The following FGD4 variants were observed in gnomAD, a reference collection of about 807,000 sequenced individuals.
FGD4 encodes the protein FYVE, RhoGEF and PH domain-containing protein 4.
FGD4 carries 42 observed loss-of-function variants against 102.0 expected under a neutral mutation model. The observed-to-expected ratio is 0.41, with a 90% CI of 0.32 to 0.53. FGD4 has a LOEUF of 0.53. Among genes scored for constraint, FGD4 ranks in the 20% least tolerant of loss-of-function variants. The probability of loss-of-function intolerance (pLI) is 0.21; values close to 1 mark genes in which losing one functional copy is unlikely to be tolerated. For synonymous variants in FGD4, 380 were observed against 375.7 expected (o/e 1.01, Z -0.13); for missense variants, 902 against 1,078.2 (o/e 0.84, Z 2.29).
intron 1 of FGD4, among the ~76,000 whole-genome samples, chr12:32,490,055 A>T (rs1019324824): frequency 6.6e-6 from 1 of 152,246 alleles, no homozygotes; most frequent in East Asian, 1.9e-4. Flanking sequence ...ATATTTTCCT[A>T]TAGTATTTCC....
At chr12:32,584,287 C>T (rs1325313851) in intron 4 of FGD4, among the ~76,000 whole-genome samples, 1 of 152,224 alleles carries the variant, frequency 6.6e-6, no homozygotes, top group African/African-American at 2.4e-5. Flanking sequence ...AGTGTGTTCA[C>T]CTTTGCTGCA....
At chr12:32,564,360 T>C in intron 2 of FGD4, 71 bp downstream of exon 2, 1 of 1,487,168 alleles carries the variant, frequency 6.7e-7, no homozygotes, top group Non-Finnish European at 8.9e-7. Context: ...AGAAAAATGA[T>C]GGCCACAAAG....
chr12:32,399,566 C>T lies in FGD4; in HGVS notation c.-228C>T. On this transcript the variant is annotated 5_prime_UTR_variant, in exon 1 of 17. Transcript: ENST00000534526. The stretch of plus-strand genomic sequence containing the variant: ...GAGTGAGTGCGGGAGCTGCAGATAC[C>T]GAGACGCTGCGACTGCCGCAGGAGT... The T allele has an allele frequency of 1.8e-6, 2 of 1,107,148 alleles. No individual in the cohort carries two copies. Among genetic ancestry groups the T allele is most frequent in the African/African-American group, 1.7e-5 (1 of 58,744 alleles). The allele number at this position is 1,107,148 out of a possible 1,614,324, so 68.6% of individuals were successfully genotyped here. A position where few individuals can be genotyped will look rare whatever the true frequency, so the allele number is the denominator to read the frequency against.
chr12:32,497,244 C>G (rs1318515897), intron 1 of FGD4, among the ~76,000 whole-genome samples: 1 of 152,136 alleles, frequency 6.6e-6, no homozygotes, highest in Non-Finnish European at 1.5e-5. Flanking sequence ...TTAACCTTAA[C>G]CCCTTGCAAA....
At chr12:32,574,298 G>A (rs979383963) in intron 2 of FGD4, among the ~76,000 whole-genome samples, 12 of 150,166 alleles carry the variant, frequency 8.0e-5, no homozygotes, top group Non-Finnish European at 1.8e-4. Flanking sequence ...TAGTATTCTA[G>A]CTAAGAATGT....
At chr12:32,511,119 T>C (rs1416340901) in intron 1 of FGD4, 1 of 152,230 alleles carries the variant, frequency 6.6e-6, no homozygotes, top group Non-Finnish European at 1.5e-5. Context: ...CAGTTATGGA[T>C]GAGGGATAGT....
intron 1 of FGD4, among the ~76,000 whole-genome samples, chr12:32,445,451 T>C (rs962804377): frequency 3.3e-5 from 5 of 152,190 alleles, no homozygotes; most frequent in Non-Finnish European, 5.9e-5. Context: ...AGGTTGCAAA[T>C]TGGGGATTGT....
At chr12:32,526,693 C>G (rs904145591) in intron 1 of FGD4, among the ~76,000 whole-genome samples, 18 of 152,206 alleles carry the variant, frequency 1.2e-4, no homozygotes, top group African/African-American at 4.3e-4. Flanking sequence ...AATCTTGCTG[C>G]TGCTCACTCT....
intron 5 of FGD4, among the ~76,000 whole-genome samples, chr12:32,599,846 A>G (rs1948251542): frequency 6.6e-6 from 1 of 151,864 alleles, no homozygotes; most frequent in African/African-American, 2.4e-5. Flanking sequence ...CCACGCCTGG[A>G]CCCTAAGGCA....
At chr12:32,522,783 C>A (rs1364694969) in intron 1 of FGD4, among the ~76,000 whole-genome samples, 8 of 152,196 alleles carry the variant, frequency 5.3e-5, no homozygotes, top group Admixed American at 4.6e-4. Context: ...AGGGGTAGAG[C>A]CTTCAGGCCT....
chr12:32,619,885 T>A lies in FGD4; in HGVS notation c.1922+15T>A. 6.2e-7 allele frequency: 1 copy of A among 1,613,880 alleles called. No homozygotes were observed. The highest frequency in any genetic ancestry group is 1.1e-5 in the South Asian group (1 of 91,084). On this transcript the variant is annotated intron_variant, in intron 11 of 16. Coordinates refer to ENST00000534526, the MANE Select transcript of FGD4 (RefSeq NM_001370298.3). ...CTGCAGGCCAGGTAAGGGAACCATT[T>A]CTATCACACTGCTTTCCAAAATCAG...
chr12:32,440,499 C>T (rs1942394754), intron 1 of FGD4, among the ~76,000 whole-genome samples: 3 of 152,204 alleles, frequency 2.0e-5, no homozygotes, highest in African/African-American at 7.2e-5. Context: ...TTCTCCCAAA[C>T]ATACAGAGTC....
chr12:32,615,122 A>G (rs1357072052), intron 10 of FGD4, among the ~76,000 whole-genome samples: 1 of 152,228 alleles, frequency 6.6e-6, no homozygotes, highest in Non-Finnish European at 1.5e-5. Flanking sequence ...ATGTTCATGC[A>G]ATGAAATAGT....
At chr12:32,573,573 A>G (rs1945869636) in intron 2 of FGD4, among the ~76,000 whole-genome samples, 1 of 152,258 alleles carries the variant, frequency 6.6e-6, no homozygotes, top group African/African-American at 2.4e-5. Context: ...ATTATAAATG[A>G]TGAACAAGTG....
At chr12:32,526,679 G>A (rs187767345) in intron 1 of FGD4, among the ~76,000 whole-genome samples, 1 of 152,146 alleles carries the variant, frequency 6.6e-6, no homozygotes, top group East Asian at 1.9e-4. Context: ...CGCTATTTGC[G>A]ATAAATCTTG....
intron 1 of FGD4, among the ~76,000 whole-genome samples, chr12:32,542,296 T>C (rs965625960): frequency 6.6e-6 from 1 of 152,218 alleles, no homozygotes; most frequent in Non-Finnish European, 1.5e-5. Context: ...AGATTTCAGA[T>C]TTAGAGAAAT....
At chr12:32,539,875 G>T (rs1338698713) in intron 1 of FGD4, among the ~76,000 whole-genome samples, 1 of 152,044 alleles carries the variant, frequency 6.6e-6, no homozygotes, top group Non-Finnish European at 1.5e-5. Context: ...ATTATACAAA[G>T]CTTGAAAATA....
chr12:32,639,330 A>AT (rs1453824736), intron 16 of FGD4, among the ~76,000 whole-genome samples: 2 of 151,940 alleles, frequency 1.3e-5, no homozygotes, highest in African/African-American at 4.8e-5. Flanking sequence ...CACCTGGCTA[A>AT]TTTTTATATT....
intron 16 of FGD4, 33 bp from the exon 17 acceptor site, chr12:32,640,243 A>C: frequency 6.2e-7 from 1 of 1,614,076 alleles, no homozygotes; most frequent in Non-Finnish European, 8.5e-7. Context: ...CGAATACATC[A>C]CCTGCTTTTA....
Sources: allele counts gnomAD v4.1 joint callset (sites outside exome capture counted in the v4.1 genomes callset), GRCh38; gene constraint gnomAD v4.1.1; transcripts MANE v1.5; gene names NCBI Gene and HGNC (gene_info 2026-07-23, HGNC 2026-07-21).